PCNT: variants seen among roughly 807,000 people sequenced by gnomAD.
PCNT encodes kendrin.
PCNT carries 319 observed loss-of-function variants against 380.4 expected under a neutral mutation model. That is an observed-to-expected ratio of 0.84 (90% CI 0.77 to 0.92). PCNT has a LOEUF of 0.92. PCNT is among the 40% of genes least tolerant of loss of function. The pLI, the probability that PCNT is intolerant of heterozygous loss-of-function variation, is 0.00. For synonymous variants in PCNT, 1,845 were observed against 1,735.2 expected (o/e 1.06, Z -1.57); for missense variants, 4,400 against 4,255.3 (o/e 1.03, Z -0.95).
At chr21:46,352,625 T>C (rs1294837245) in intron 9 of PCNT, among the ~76,000 whole-genome samples, 3 of 152,216 alleles carry the variant, frequency 2.0e-5, no homozygotes, top group Non-Finnish European at 2.9e-5. Context: ...TCTGCTGCTG[T>C]GTAACAAATT....
At chr21:46,384,775 T>C (rs1288007329) in intron 16 of PCNT, among the ~76,000 whole-genome samples, 1 of 136,278 alleles carries the variant, frequency 7.3e-6, no homozygotes, top group Non-Finnish European at 1.6e-5. Context: ...GTGTTGTGCG[T>C]AGTTCAGTGG....
chr21:46,437,483 C>T (rs1382044472), intron 40 of PCNT, among the ~76,000 whole-genome samples: 1 of 152,146 alleles, frequency 6.6e-6, no homozygotes, highest in Non-Finnish European at 1.5e-5. Context: ...TGCTGGCGGC[C>T]GATGTTCACC....
At chr21:46,403,698 A>G (rs13053037) in intron 27 of PCNT, among the ~76,000 whole-genome samples, 301 of 83,222 alleles carry the variant, frequency 3.6e-3, no homozygotes, top group African/African-American at 6.7e-3. Flanking sequence ...CCCACGCGGC[A>G]CGTGCTTGGT....
chr21:46,357,290 A>G, intron 13 of PCNT, 99 bp downstream of exon 13: 1 of 861,740 alleles, frequency 1.2e-6, no homozygotes, highest in East Asian at 2.4e-5. Flanking sequence ...CATCCTGGGG[A>G]CAGCCCAGTG....
chr21:46,385,960 C>A lies in PCNT; in HGVS notation c.3441C>A (p.Asp1147Glu), dbSNP rs201652457. Residue 1147 changes from aspartate (D) to glutamate (E), a missense_variant, in exon 17 of 47, where the codon GAC becomes GAA. Transcript: ENST00000359568. ...GANLLSMLKA[D>E]VNLSHSERGA... ...ACCTCCTCTCCATGCTCAAGGCCGA[C>A]GTCAACCTGTCCCACAGCGAAAGGT... is the stretch of plus-strand genomic sequence containing the variant. 1 of 1,614,052 alleles carries A rather than the reference C, an allele frequency of 6.2e-7. No individual in the cohort carries two copies. Among genetic ancestry groups the A allele is most frequent in the East Asian group, 2.2e-5 (1 of 44,886 alleles).
chr21:46,426,130 G>A (rs1388987797), intron 33 of PCNT, among the ~76,000 whole-genome samples, 159 bp downstream of exon 33: 1 of 131,832 alleles, frequency 7.6e-6, no homozygotes, highest in East Asian at 2.3e-4. Flanking sequence ...CACCACCCCG[G>A]GTCAAGCAGT....
chr21:46,437,298 C>T lies in PCNT; in HGVS notation c.9099+217C>T, dbSNP rs555676246. On this transcript the variant is annotated intron_variant, in intron 40 of 46. Transcript: ENST00000359568. The stretch of plus-strand genomic sequence containing the variant: ...TGTCCTGGGGCACTTGTGTGGTCTT[C>T]GGGGGCTGAGCCCTGCTGCCATGGG... 2.4e-3 allele frequency among the ~76,000 whole-genome samples: 298 copies of T among 123,766 alleles called. 3 individuals are homozygous for T. The highest frequency in any genetic ancestry group is 5.3e-3 in the South Asian group (22 of 4,152). 81.2% of individuals were successfully genotyped at this position (123,766 alleles called of 152,430 possible). A position where few individuals can be genotyped will look rare whatever the true frequency, so the allele number is the denominator to read the frequency against.
At chr21:46,333,143 A>G (rs2083609788) in intron 2 of PCNT, among the ~76,000 whole-genome samples, 1 of 151,824 alleles carries the variant, frequency 6.6e-6, no homozygotes, top group Non-Finnish European at 1.5e-5. Flanking sequence ...TTTTTAAAGT[A>G]GAATTCATGG....
chr21:46,405,112 A>G (rs2086585527), intron 27 of PCNT, among the ~76,000 whole-genome samples: 1 of 152,166 alleles, frequency 6.6e-6, no homozygotes, highest in East Asian at 1.9e-4. Flanking sequence ...ATACACCTAT[A>G]GTACCAGCTA....
intron 44 of PCNT, chr21:46,442,903 C>T (rs909777607): frequency 2.7e-6 from 1 of 373,706 alleles, no homozygotes; most frequent in South Asian, 2.5e-5. Flanking sequence ...CGTCTCTTTC[C>T]TTGTAGAGCA....
Position 46,405,642 on chromosome 21 carries a change from G to T in PCNT, c.5115+3159G>T, listed in dbSNP as rs571744544. On this transcript the variant is annotated intron_variant, in intron 27 of 46. Transcript: ENST00000359568. Reference sequence around the variant, plus strand: ...CCCAGAAGGTGGAGGTTGGCAGTGAGCCGAGATTGCGCCACTGCACTGCAG... The same window carrying T: ...CCCAGAAGGTGGAGGTTGGCAGTGATCCGAGATTGCGCCACTGCACTGCAG... Among the ~76,000 whole-genome samples, 4 of 152,292 alleles carry T rather than the reference G, an allele frequency of 2.6e-5. No homozygotes were observed. The South Asian group carries it at 8.3e-4, about 32-fold the overall frequency.
At position 46,367,154 on chromosome 21, in the gene PCNT, C is replaced by T. The variant is rs557736988; in HGVS notation, c.3165+15C>T. On this transcript the variant is annotated intron_variant, in intron 15 of 46. Coordinates refer to ENST00000359568, the MANE Select transcript of PCNT (RefSeq NM_006031.6). ...GAGTGCACCAGGTAAGGCGCCAGGG[C>T]CCTGCCCCAGCCCAGGGCAGGCCTC... 6.0e-5 allele frequency: 96 copies of T among 1,608,130 alleles called. No homozygotes were observed. The highest frequency in any genetic ancestry group is 1.0e-4 in the Admixed American group (6 of 59,952).
In PCNT at chr21:46,440,848, C is replaced by A. The variant is rs1447287855; in HGVS notation, c.9394-7C>A. 6.4e-7 allele frequency: 1 copy of A among 1,570,782 alleles called. No individual in the cohort carries two copies. Among genetic ancestry groups the A allele is most frequent in the Admixed American group, 1.7e-5 (1 of 59,892 alleles). ...ATGATAAAATTTTACTGCTTTTTTT[C>A]TTTTAGATGGAAAAATTGTACCTGC... On this transcript the variant is annotated splice_polypyrimidine_tract_variant and splice_region_variant and intron_variant, in intron 42 of 46. Transcript: ENST00000359568.
intron 1 of PCNT, among the ~76,000 whole-genome samples, chr21:46,325,919 G>C (rs559647900): frequency 6.6e-6 from 1 of 152,092 alleles, no homozygotes; most frequent in Non-Finnish European, 1.5e-5. Context: ...TTAATTTTTT[G>C]CTATTTCTGT....
At chr21:46,329,967 C>G (rs1207683675) in intron 2 of PCNT, among the ~76,000 whole-genome samples, 1 of 152,196 alleles carries the variant, frequency 6.6e-6, no homozygotes, top group African/African-American at 2.4e-5. Flanking sequence ...TTGACATCAG[C>G]AGAGACATAC....
rs146393724 is a variant in PCNT, at chr21:46,382,919, C to T, written c.3312+1079C>T. Among the ~76,000 whole-genome samples the T allele has an allele frequency of 2.8e-4, 37 of 131,594 alleles. 6 individuals are homozygous for T. Among genetic ancestry groups the T allele is most frequent in the African/African-American group, 1.1e-3 (31 of 27,478 alleles). 86.3% of individuals were successfully genotyped at this position (131,594 alleles called of 152,430 possible). ...ATTCACGGTGTTGTGCATTCAGTGG[C>T]GGAAGTGCATTCACAGTGTTGTATA... On this transcript the variant is annotated intron_variant, in intron 16 of 46. Coordinates refer to ENST00000359568, the MANE Select transcript of PCNT (RefSeq NM_006031.6).
chr21:46,361,055 C>G (rs1321949412), intron 13 of PCNT, among the ~76,000 whole-genome samples: 3 of 152,074 alleles, frequency 2.0e-5, no homozygotes, highest in African/African-American at 7.2e-5. Flanking sequence ...TTAAGTTATT[C>G]CTCTTTGCAT....
intron 15 of PCNT, among the ~76,000 whole-genome samples, chr21:46,372,484 CT>C (rs1026136860): frequency 2.6e-5 from 4 of 152,202 alleles, no homozygotes; most frequent in African/African-American, 4.8e-5. Context: ...CTTCTGTGTT[CT>C]GGGTCTGTAC....
intron 17 of PCNT, among the ~76,000 whole-genome samples, chr21:46,387,723 GA>G (rs2085887765): frequency 6.6e-6 from 1 of 152,096 alleles, no homozygotes; most frequent in African/African-American, 2.4e-5. Context: ...CGGTCCCCAC[GA>G]ATGAGTCCTC....
Sources: gnomAD v4.1 joint callset for allele counts (sites outside exome capture counted in the v4.1 genomes callset) on GRCh38, gnomAD v4.1.1 for gene constraint, MANE v1.5 for transcripts, NCBI Gene and HGNC (gene_info 2026-07-23, HGNC 2026-07-21) for gene names.